The following DLG5 variants were observed in gnomAD, a reference collection of about 807,000 sequenced individuals.
DLG5 encodes the protein disks large homolog 5.
DLG5 carries 48 observed loss-of-function variants against 189.8 expected under a neutral mutation model. That is an observed-to-expected ratio of 0.25 (90% CI 0.20 to 0.32). The LOEUF is 0.32. Among genes scored for constraint, DLG5 ranks in the 10% least tolerant of loss-of-function variants. The probability of loss-of-function intolerance (pLI) is 1.00; values close to 1 mark genes in which losing one functional copy is unlikely to be tolerated. For missense variants in DLG5, 2,160 were observed against 2,544.7 expected, an observed-to-expected ratio of 0.85 and a Z score of 3.25; for synonymous variants, 1,016 against 1,054.1, an observed-to-expected ratio of 0.96 and a Z score of 0.70.
chr10:77,911,751 T>C (rs113697371), intron 1 of DLG5, among the ~76,000 whole-genome samples: 1 of 152,140 alleles, frequency 6.6e-6, no homozygotes, highest in East Asian at 1.9e-4. Flanking sequence ...GAGTCAGAGA[T>C]GGCCATCTCT....
intron 2 of DLG5, among the ~76,000 whole-genome samples, chr10:77,859,855 C>G (rs1379678370): frequency 6.6e-6 from 1 of 152,188 alleles, no homozygotes; most frequent in Non-Finnish European, 1.5e-5. Context: ...ATTTCCTCTC[C>G]CCAAAGGGGT....
At chr10:77,840,012 G>A (rs1843340352) in intron 7 of DLG5, among the ~76,000 whole-genome samples, 1 of 152,154 alleles carries the variant, frequency 6.6e-6, no homozygotes. Context: ...GTTGCTTTGT[G>A]CAGGCACAAT....
intron 13 of DLG5, among the ~76,000 whole-genome samples, chr10:77,828,624 CAGAG>C (rs1453156740): frequency 6.6e-6 from 1 of 151,608 alleles, no homozygotes; most frequent in African/African-American, 2.4e-5. Flanking sequence ...GCCTGAGGGA[CAGAG>C]AGAGATAGAG....
chr10:77,924,709 G>A (rs1380987692), intron 1 of DLG5, among the ~76,000 whole-genome samples: 1 of 152,204 alleles, frequency 6.6e-6, no homozygotes, highest in African/African-American at 2.4e-5. Flanking sequence ...GGTTTGCCCA[G>A]TAACTCTGAC....
chr10:77,819,498 A>G, intron 16 of DLG5, 33 bp from the exon 17 acceptor site: 1 of 1,597,290 alleles, frequency 6.3e-7, no homozygotes, highest in South Asian at 1.1e-5. Flanking sequence ...AAGACGCCCC[A>G]AAGGACCCAG....
intron 20 of DLG5, among the ~76,000 whole-genome samples, chr10:77,813,096 C>A (rs977632051): frequency 6.6e-6 from 1 of 152,218 alleles, no homozygotes; most frequent in Non-Finnish European, 1.5e-5. Context: ...AGATAAGGGA[C>A]GCTCAGAGGA....
intron 1 of DLG5, among the ~76,000 whole-genome samples, chr10:77,881,034 G>A (rs1164485457): frequency 5.8e-5 from 8 of 138,474 alleles, no homozygotes. Flanking sequence ...GTGCAGTGGT[G>A]TGATCTCAGC....
At chr10:77,829,288 C>T (rs1046684173) in intron 12 of DLG5, 67 bp downstream of exon 12, 32 of 1,596,904 alleles carry the variant, frequency 2.0e-5, no homozygotes, top group Middle Eastern at 4.5e-4. Flanking sequence ...GGGGCACCCC[C>T]GGCCCCTGTC....
chr10:77,838,167 T>C (rs1472085648), intron 7 of DLG5, among the ~76,000 whole-genome samples: 1 of 152,186 alleles, frequency 6.6e-6, no homozygotes, highest in African/African-American at 2.4e-5. Flanking sequence ...AAGCAGGACC[T>C]GTAGCTGCAT....
the DLG5 span, among the ~76,000 whole-genome samples, chr10:77,935,712 C>T: frequency 6.6e-6 from 1 of 152,166 alleles, no homozygotes; most frequent in African/African-American, 2.4e-5. Flanking sequence ...TGTGAGGGCA[C>T]TGTGAGCAGG....
intron 30 of DLG5, 152 bp from the exon 31 acceptor site, chr10:77,794,269 T>C: frequency 1.5e-6 from 1 of 667,576 alleles, no homozygotes; most frequent in Non-Finnish European, 2.6e-6. Flanking sequence ...AGCAACAGCC[T>C]GTAGGCTGTC....
rs1049854008 is a variant in DLG5 at position 77,791,193 on chromosome 10, A to C, written c.*1247T>G. 2.6e-5 allele frequency: 4 copies of C among 152,646 alleles called. No individual in the cohort carries two copies. The highest frequency in any genetic ancestry group is 4.4e-5 in the Non-Finnish European group (3 of 68,036). The allele number at this position is 152,646 out of a possible 1,614,324, so 9.5% of individuals were successfully genotyped here. A position where few individuals can be genotyped will look rare whatever the true frequency, so the allele number is the denominator to read the frequency against. ...TGAAATCAAAGATTTCTCGCTAGTAAAATGAAATGTTAGGAACAGTATTAA... is the reference window on the plus strand; with the variant it reads ...TGAAATCAAAGATTTCTCGCTAGTACAATGAAATGTTAGGAACAGTATTAA... On this transcript the variant is annotated 3_prime_UTR_variant, in exon 32 of 32. Coordinates refer to ENST00000372391, the MANE Select transcript of DLG5 (RefSeq NM_004747.4).
At chr10:77,868,103 C>G (rs565353566) in intron 2 of DLG5, 2 of 456,304 alleles carry the variant, frequency 4.4e-6, no homozygotes, top group Middle Eastern at 3.6e-4. Context: ...CTCACTGACA[C>G]TTTGATCTTG....
rs372239836 is a variant in DLG5 at position 77,819,180 on chromosome 10, C to T, written c.3671+141G>A. ...AGAAAGCAGCCCTAAGGCTCCCTTT[C>T]CCTGTGCTGCTCTAGCCAGTCCCCT... On this transcript the variant is annotated intron_variant, in intron 17 of 31. Coordinates refer to ENST00000372391, the MANE Select transcript of DLG5 (RefSeq NM_004747.4). The T allele has an allele frequency of 1.1e-4, 139 of 1,240,246 alleles. 1 individual carries two copies. The East Asian group carries it at 1.2e-3, about 11-fold the overall frequency. 76.8% of individuals were successfully genotyped at this position (1,240,246 alleles called of 1,614,324 possible). A position where few individuals can be genotyped will look rare whatever the true frequency, so the allele number is the denominator to read the frequency against.
At chr10:77,817,255 C>A (rs1490159938) in intron 18 of DLG5, among the ~76,000 whole-genome samples, 159 bp from the exon 19 acceptor site, 1 of 152,202 alleles carries the variant, frequency 6.6e-6, no homozygotes, top group South Asian at 2.1e-4. Flanking sequence ...GAAAAGCAGA[C>A]GTTTAACATT....
chr10:77,841,846 G>A (rs747295672), intron 7 of DLG5, 35 bp downstream of exon 7: 8 of 1,586,280 alleles, frequency 5.0e-6, no homozygotes, highest in African/African-American at 1.3e-5. Context: ...TGCTGTAGGA[G>A]AGGCTGAAAG....
At chr10:77,870,959 A>G (rs1013365357) in intron 1 of DLG5, among the ~76,000 whole-genome samples, 4 of 151,996 alleles carry the variant, frequency 2.6e-5, no homozygotes, top group Non-Finnish European at 4.4e-5. Flanking sequence ...TCAGAAAAAG[A>G]GATGAAGGGG....
At chr10:77,797,674 G>T (rs1480894192) in intron 27 of DLG5, among the ~76,000 whole-genome samples, 2 of 152,148 alleles carry the variant, frequency 1.3e-5, no homozygotes, top group Admixed American at 1.3e-4. Flanking sequence ...TGGGAGGAAG[G>T]GTCCATGAGA....
chr10:77,864,475 A>C (rs1314491220), intron 2 of DLG5, among the ~76,000 whole-genome samples: 1 of 152,222 alleles, frequency 6.6e-6, no homozygotes, highest in Non-Finnish European at 1.5e-5. Flanking sequence ...CAGGACACCC[A>C]GAGCCGTCCA....
Sources: allele counts gnomAD v4.1 joint callset (sites outside exome capture counted in the v4.1 genomes callset), GRCh38; gene constraint gnomAD v4.1.1; transcripts MANE v1.5; gene names NCBI Gene and HGNC (gene_info 2026-07-23, HGNC 2026-07-21).